The following SMYD1 variants were observed in gnomAD, a reference collection of about 807,000 sequenced individuals.
The protein encoded by SMYD1 is histone-lysine N-methyltransferase SMYD1.
In SMYD1, 49 loss-of-function variants were observed where a neutral mutation model predicts 54.0. The observed-to-expected ratio is 0.91, with a 90% CI of 0.72 to 1.15. The LOEUF (loss-of-function observed/expected upper bound fraction) is 1.15. Among genes scored for constraint, SMYD1 ranks in the 50% most tolerant of loss-of-function variants. SMYD1 has a pLI of 0.00. For synonymous variants in SMYD1, 269 were observed against 234.2 expected (o/e 1.15, Z -1.36); for missense variants, 653 against 639.6 (o/e 1.02, Z -0.23).
At chr2:88,077,961 G>A (rs529513920) in intron 1 of SMYD1, among the ~76,000 whole-genome samples, 1 of 152,208 alleles carries the variant, frequency 6.6e-6, no homozygotes, top group South Asian at 2.1e-4. Flanking sequence ...CTGACCTCAG[G>A]TGACCCACCC....
intron 1 of SMYD1, 82 bp from the exon 2 acceptor site, chr2:88,084,234 A>T (rs1182462570): frequency 8.2e-7 from 1 of 1,215,126 alleles, no homozygotes; most frequent in Admixed American, 2.1e-5. Context: ...CTGAACCAGT[A>T]CTGGAACACA....
chr2:88,090,684 A>G (rs2103996119), intron 3 of SMYD1, among the ~76,000 whole-genome samples: 1 of 152,294 alleles, frequency 6.6e-6, no homozygotes, highest in Non-Finnish European at 1.5e-5. Flanking sequence ...CAGAGAGAAA[A>G]ACCAAGACAG....
intron 2 of SMYD1, among the ~76,000 whole-genome samples, chr2:88,086,694 C>A (rs1053169318): frequency 2.6e-5 from 4 of 152,142 alleles, no homozygotes; most frequent in African/African-American, 9.7e-5. Context: ...TTAAGAATAC[C>A]AATACTTATG....
chr2:88,080,065 T>C (rs1264811745), intron 1 of SMYD1, among the ~76,000 whole-genome samples: 3 of 152,246 alleles, frequency 2.0e-5, no homozygotes, highest in Admixed American at 6.5e-5. Flanking sequence ...CAGTCAGCCA[T>C]GTGGACTCAA....
chr2:88,096,928 G>A, intron 6 of SMYD1, 144 bp downstream of exon 6: 2 of 770,290 alleles, frequency 2.6e-6, no homozygotes, highest in South Asian at 1.9e-5. Context: ...GGGCATGAGA[G>A]CAGAGCACCG....
chr2:88,085,816 C>A (rs189618437), intron 2 of SMYD1, among the ~76,000 whole-genome samples: 1 of 152,266 alleles, frequency 6.6e-6, no homozygotes, highest in African/African-American at 2.4e-5. Context: ...GAGTCCCATG[C>A]GGGGCATTTC....
chr2:88,104,113 C>T (rs1343961016), intron 7 of SMYD1, among the ~76,000 whole-genome samples: 2 of 152,012 alleles, frequency 1.3e-5, no homozygotes, highest in African/African-American at 2.4e-5. Flanking sequence ...ACTACAGGTG[C>T]CCGCCACCAC....
intron 3 of SMYD1, 37 bp downstream of exon 3, chr2:88,088,112 T>G: frequency 6.4e-7 from 1 of 1,561,656 alleles, no homozygotes; most frequent in Non-Finnish European, 8.7e-7. Flanking sequence ...CCTCCCTGTC[T>G]GTCTCCTCTT....
At position 88,070,965 on chromosome 2, in the gene SMYD1, AAAC is replaced by A. The variant is rs1312161861; in HGVS notation, c.137+2966_137+2968del. 2.2e-4 allele frequency among the ~76,000 whole-genome samples: 33 copies of A among 151,440 alleles called. No homozygotes were observed. The South Asian group carries it at 6.7e-3, about 31-fold the overall frequency. On this transcript the variant is annotated intron_variant, in intron 1 of 9. Coordinates refer to ENST00000419482, the MANE Select transcript of SMYD1 (RefSeq NM_198274.4). ...CTCAAAAAAAAAAAAAAAAAAAAAAAAACAGTAATAGTTTTATCACAGTCACAT... is the reference window on the plus strand; with the variant it reads ...CTCAAAAAAAAAAAAAAAAAAAAAAAAGTAATAGTTTTATCACAGTCACAT...
chr2:88,106,654 C>T (rs1393091825), intron 8 of SMYD1, among the ~76,000 whole-genome samples, 166 bp downstream of exon 8: 1 of 152,140 alleles, frequency 6.6e-6, no homozygotes, highest in African/African-American at 2.4e-5. Flanking sequence ...CATGGTGCTC[C>T]AGTGTTAATG....
At chr2:88,079,129 C>T (rs1380176883) in intron 1 of SMYD1, among the ~76,000 whole-genome samples, 1 of 152,174 alleles carries the variant, frequency 6.6e-6, no homozygotes, top group Non-Finnish European at 1.5e-5. Flanking sequence ...AGGAATTGAT[C>T]CAAGGCTTGA....
At position 88,081,204 on chromosome 2, in the gene SMYD1, G is replaced by T. The variant is rs1343327385; in HGVS notation, c.138-3112G>T. 3.3e-5 allele frequency among the ~76,000 whole-genome samples: 5 copies of T among 151,772 alleles called. No individual in the cohort carries two copies. The East Asian group carries it at 9.8e-4, about 30-fold the overall frequency. ...AGGTGTGAGCCACCGCGCCTGGCCT[G>T]GATATGTTCATTATCTTGATTGTGA... On this transcript the variant is annotated intron_variant, in intron 1 of 9. Transcript: ENST00000419482.
At chr2:88,082,659 T>C (rs1338009709) in intron 1 of SMYD1, 3 of 154,396 alleles carry the variant, frequency 1.9e-5, no homozygotes, top group African/African-American at 4.8e-5. Context: ...GGGATTTCTG[T>C]AGGTGTATCA....
At chr2:88,104,848 A>G (rs1031021012) in intron 7 of SMYD1, among the ~76,000 whole-genome samples, 5 of 152,226 alleles carry the variant, frequency 3.3e-5, no homozygotes, top group African/African-American at 1.2e-4. Context: ...ATGTCTGTAC[A>G]AGAGTCAGTC....
chr2:88,108,873 A>T (rs1674946294), intron 9 of SMYD1, among the ~76,000 whole-genome samples: 1 of 152,148 alleles, frequency 6.6e-6, no homozygotes, highest in Admixed American at 6.5e-5. Flanking sequence ...CCAGTGTGTC[A>T]CCTGATGAAA....
intron 7 of SMYD1, among the ~76,000 whole-genome samples, chr2:88,105,701 GC>G (rs1409704425): frequency 4.6e-5 from 7 of 152,164 alleles, no homozygotes; most frequent in Non-Finnish European, 1.0e-4. Context: ...ACTTTGGGAG[GC>G]TGAGGTGGGC....
Position 88,112,216 on chromosome 2 carries a change from A to G in SMYD1, c.*1704A>G, listed in dbSNP as rs976822644. ...TTCAAATTATCACTCTTTTACCTTC[A>G]TATAAAATGTCTCCCCCAAACCTTT... On this transcript the variant is annotated 3_prime_UTR_variant, in exon 10 of 10. Coordinates refer to ENST00000419482, the MANE Select transcript of SMYD1 (RefSeq NM_198274.4). The G allele has an allele frequency of 2.9e-6, 2 of 693,856 alleles. No homozygotes were observed. The highest frequency in any genetic ancestry group is 2.7e-5 in the East Asian group (1 of 37,062). The allele number at this position is 693,856 out of a possible 1,614,324, so 43.0% of individuals were successfully genotyped here.
chr2:88,103,609 C>A (rs903501029), intron 7 of SMYD1, among the ~76,000 whole-genome samples: 2 of 152,104 alleles, frequency 1.3e-5, no homozygotes, highest in African/African-American at 4.8e-5. Flanking sequence ...ACTAGAATCA[C>A]CTTTGAAAAA....
chr2:88,104,549 C>A (rs955230176), intron 7 of SMYD1, among the ~76,000 whole-genome samples: 1 of 152,208 alleles, frequency 6.6e-6, no homozygotes, highest in Non-Finnish European at 1.5e-5. Context: ...TCAGACTTGG[C>A]AGGGCTAGGT....
Sources: allele counts gnomAD v4.1 joint callset (sites outside exome capture counted in the v4.1 genomes callset), GRCh38; gene constraint gnomAD v4.1.1; transcripts MANE v1.5; gene names NCBI Gene and HGNC (gene_info 2026-07-23, HGNC 2026-07-21).